GABRG3: variants seen among roughly 807,000 people sequenced by gnomAD.
GABRG3 encodes gamma-aminobutyric acid receptor subunit gamma-3.
In GABRG3, 25 loss-of-function variants were observed where a neutral mutation model predicts 48.8. The observed-to-expected ratio is 0.51, with a 90% CI of 0.37 to 0.72. The LOEUF is 0.72. Ranked by LOEUF, GABRG3 falls within the 30% of genes least tolerant of loss-of-function variation. The pLI is 0.00. For synonymous variants in GABRG3, 227 were observed against 217.6 expected (o/e 1.04, Z -0.38); for missense variants, 394 against 577.9 (o/e 0.68, Z 3.26).
At chr15:27,110,925 G>A (rs931116990) in intron 3 of GABRG3, among the ~76,000 whole-genome samples, 4 of 152,054 alleles carry the variant, frequency 2.6e-5, no homozygotes, top group African/African-American at 9.7e-5. Flanking sequence ...CTGTGATTTG[G>A]TGTCTGTCAC....
intron 5 of GABRG3, among the ~76,000 whole-genome samples, chr15:27,398,528 TA>T (rs1566823613): frequency 6.6e-6 from 1 of 152,304 alleles, no homozygotes; most frequent in South Asian, 2.1e-4. Flanking sequence ...TCTTGTTTTT[TA>T]AAAAGTAATT....
chr15:27,461,566 T>C (rs7171225), intron 5 of GABRG3, among the ~76,000 whole-genome samples: 127,736 of 152,214 alleles, frequency 0.84, 54,023 homozygotes, highest in East Asian at 0.97. Context: ...CAGGAGGTTG[T>C]CACTGCTGGC....
intron 5 of GABRG3, among the ~76,000 whole-genome samples, chr15:27,452,715 C>G (rs1229441348): frequency 1.3e-5 from 2 of 152,108 alleles, no homozygotes; most frequent in African/African-American, 4.8e-5. Context: ...CTGGCTGTCT[C>G]AGGGATGACA....
chr15:27,302,553 C>T (rs1566764748), intron 3 of GABRG3, among the ~76,000 whole-genome samples: 1 of 151,984 alleles, frequency 6.6e-6, no homozygotes, highest in Admixed American at 6.6e-5. Flanking sequence ...GTGACTTCAA[C>T]ATCCACACCT....
At chr15:27,076,392 C>T (rs185754150) in intron 3 of GABRG3, among the ~76,000 whole-genome samples, 237 of 145,242 alleles carry the variant, frequency 1.6e-3, no homozygotes, top group African/African-American at 5.5e-3. Flanking sequence ...GGCATGATCT[C>T]GGCTCACTGC....
At chr15:27,492,057 T>C (rs1021916553) in intron 6 of GABRG3, among the ~76,000 whole-genome samples, 2 of 152,174 alleles carry the variant, frequency 1.3e-5, no homozygotes, top group African/African-American at 4.8e-5. Flanking sequence ...GTTTTATCAA[T>C]ACAAAACAAA....
intron 5 of GABRG3, among the ~76,000 whole-genome samples, chr15:27,411,482 T>C (rs1431729782): frequency 6.6e-6 from 1 of 152,164 alleles, no homozygotes; most frequent in Non-Finnish European, 1.5e-5. Context: ...ACCCCATAGC[T>C]TCCTTGCATT....
intron 3 of GABRG3, among the ~76,000 whole-genome samples, chr15:27,285,172 A>G (rs183446070): frequency 3.3e-5 from 5 of 151,800 alleles, no homozygotes; most frequent in African/African-American, 1.2e-4. Context: ...AGAATTTTAG[A>G]CTGAAGTTTT....
intron 3 of GABRG3, among the ~76,000 whole-genome samples, chr15:27,177,498 A>T (rs1332030695): frequency 6.6e-6 from 1 of 152,210 alleles, no homozygotes; most frequent in East Asian, 1.9e-4. Context: ...AGGTGGTTTT[A>T]GCCCCCAGAG....
Position 27,221,673 on chromosome 15 carries a change from A to G in GABRG3, c.271-105136A>G, listed in dbSNP as rs28449803. On this transcript the variant is annotated intron_variant, in intron 3 of 9. Transcript: ENST00000615808. Reference sequence around the variant, plus strand: ...TCTCTGTGAATTTTGTCTTGTTACAACCAAGTAGCTGTTTTCTAGAATGTC... The same window carrying G: ...TCTCTGTGAATTTTGTCTTGTTACAGCCAAGTAGCTGTTTTCTAGAATGTC... 2.4e-3 allele frequency among the ~76,000 whole-genome samples: 359 copies of G among 152,262 alleles called. 1 individual carries two copies. Among genetic ancestry groups the G allele is most frequent in the African/African-American group, 8.1e-3 (337 of 41,546 alleles).
intron 3 of GABRG3, among the ~76,000 whole-genome samples, chr15:27,241,610 C>T (rs1890129425): frequency 1.3e-5 from 2 of 152,194 alleles, no homozygotes; most frequent in Non-Finnish European, 2.9e-5. Context: ...TTGGATGCTG[C>T]ATCTAAAAAT....
At chr15:26,990,311 G>A (rs542393067) in intron 2 of GABRG3, among the ~76,000 whole-genome samples, 1 of 152,286 alleles carries the variant, frequency 6.6e-6, no homozygotes, top group East Asian at 1.9e-4. Context: ...TTGGATAAAA[G>A]CCATTTTAAC....
intron 3 of GABRG3, among the ~76,000 whole-genome samples, chr15:27,237,271 T>C (rs1242660815): frequency 1.3e-5 from 2 of 152,208 alleles, no homozygotes; most frequent in African/African-American, 4.8e-5. Flanking sequence ...AGTGAAGACC[T>C]AGAACACAGA....
chr15:27,253,933 G>T (rs927447382), intron 3 of GABRG3, among the ~76,000 whole-genome samples: 1 of 152,174 alleles, frequency 6.6e-6, no homozygotes, highest in African/African-American at 2.4e-5. Flanking sequence ...AAATTTCCTG[G>T]TTTAAATAGA....
chr15:27,396,962 A>G (rs1465659560), intron 5 of GABRG3, among the ~76,000 whole-genome samples: 2 of 152,220 alleles, frequency 1.3e-5, no homozygotes, highest in Non-Finnish European at 2.9e-5. Flanking sequence ...GAGGGGTATT[A>G]TCAATGAAGA....
At chr15:27,295,328 G>T (rs1044495860) in intron 3 of GABRG3, 7 of 152,300 alleles carry the variant, frequency 4.6e-5, no homozygotes, top group South Asian at 2.1e-4. Context: ...TTTAATTGGT[G>T]TAAAGCCTTA....
At chr15:27,329,274 A>G (rs116485970) in intron 5 of GABRG3, among the ~76,000 whole-genome samples, 2,051 of 152,230 alleles carry the variant, frequency 0.013, 22 homozygotes, top group African/African-American at 0.027. Flanking sequence ...TTATTTATTT[A>G]TTTATTGAAA....
chr15:27,028,805 CA>C (rs35610809), intron 3 of GABRG3, among the ~76,000 whole-genome samples: 5,332 of 102,458 alleles, frequency 0.052, 99 homozygotes, highest in Middle Eastern at 0.12. Flanking sequence ...GACTTCATCT[CA>C]AAAAAAAAAA....
At chr15:26,982,153 T>C (rs1475555078) in intron 2 of GABRG3, among the ~76,000 whole-genome samples, 1 of 152,232 alleles carries the variant, frequency 6.6e-6, no homozygotes, top group African/African-American at 2.4e-5. Flanking sequence ...ATAGAAAATC[T>C]TTCTAGTGTG....
Sources: gnomAD v4.1 joint callset for allele counts (sites outside exome capture counted in the v4.1 genomes callset) on GRCh38, gnomAD v4.1.1 for gene constraint, MANE v1.5 for transcripts, NCBI Gene and HGNC (gene_info 2026-07-23, HGNC 2026-07-21) for gene names.